CSNK1G1: variants seen among roughly 807,000 people sequenced by gnomAD.
CSNK1G1 encodes the protein casein kinase I isoform gamma-1.
CSNK1G1 carries 22 observed loss-of-function variants against 59.6 expected under a neutral mutation model. The observed-to-expected ratio is 0.37, with a 90% CI of 0.26 to 0.53. The LOEUF is 0.53. Ranked by LOEUF, CSNK1G1 falls within the 20% of genes least tolerant of loss-of-function variation. CSNK1G1 has a pLI of 0.89. For missense variants in CSNK1G1, 384 were observed against 519.5 expected, an observed-to-expected ratio of 0.74 and a Z score of 2.54; for synonymous variants, 179 against 177.1, an observed-to-expected ratio of 1.01 and a Z score of -0.08.
intron 4 of CSNK1G1, among the ~76,000 whole-genome samples, chr15:64,244,908 C>G (rs1891670243): frequency 6.6e-6 from 1 of 152,002 alleles, no homozygotes; most frequent in Non-Finnish European, 1.5e-5. Flanking sequence ...GCTACAGTAA[C>G]CAAACAGCAT....
intron 3 of CSNK1G1, among the ~76,000 whole-genome samples, chr15:64,257,439 T>C (rs966277760): frequency 6.6e-6 from 1 of 152,120 alleles, no homozygotes; most frequent in African/African-American, 2.4e-5. Context: ...ATCAGAATAA[T>C]AAAACAGAAA....
intron 3 of CSNK1G1, among the ~76,000 whole-genome samples, chr15:64,253,864 G>C (rs1892221238): frequency 6.6e-6 from 1 of 152,274 alleles, no homozygotes; most frequent in South Asian, 2.1e-4. Flanking sequence ...CAGTAGCCAG[G>C]CGCGGTGGCT....
At chr15:64,313,883 T>A (rs200782643) in intron 1 of CSNK1G1, among the ~76,000 whole-genome samples, 11 of 111,274 alleles carry the variant, frequency 9.9e-5, no homozygotes, top group Non-Finnish European at 1.1e-4. Flanking sequence ...AAAAAAAAAA[T>A]TAATAAATAA....
intron 4 of CSNK1G1, among the ~76,000 whole-genome samples, chr15:64,251,215 G>A (rs1287078422): frequency 2.6e-5 from 4 of 152,154 alleles, no homozygotes; most frequent in Non-Finnish European, 5.9e-5. Context: ...TATAAGTAAA[G>A]AAAAGAGAAT....
intron 11 of CSNK1G1, among the ~76,000 whole-genome samples, chr15:64,173,703 A>G (rs897624644): frequency 6.8e-6 from 1 of 146,750 alleles, no homozygotes; most frequent in African/African-American, 2.6e-5. Context: ...GCTCACTGCA[A>G]CCTCCACCTA....
intron 2 of CSNK1G1, among the ~76,000 whole-genome samples, chr15:64,263,079 C>CAAA (rs1216890234): frequency 1.4e-3 from 73 of 53,560 alleles, no homozygotes; most frequent in African/African-American, 3.4e-3. Flanking sequence ...AACGCCATCT[C>CAAA]AAAAAAAAAA....
At chr15:64,310,215 G>T (rs1895917659) in intron 1 of CSNK1G1, among the ~76,000 whole-genome samples, 1 of 151,968 alleles carries the variant, frequency 6.6e-6, no homozygotes, top group African/African-American at 2.4e-5. Context: ...ATTTTTTCCT[G>T]GCCATGAAGA....
At chr15:64,305,930 T>A (rs908990894) in intron 1 of CSNK1G1, among the ~76,000 whole-genome samples, 1 of 152,126 alleles carries the variant, frequency 6.6e-6, no homozygotes, top group Admixed American at 6.5e-5. Context: ...CAATTAGACA[T>A]ATATTTGCAA....
intron 2 of CSNK1G1, among the ~76,000 whole-genome samples, chr15:64,261,067 ACTTT>A (rs891315725): frequency 1.3e-5 from 2 of 152,176 alleles, no homozygotes; most frequent in African/African-American, 2.4e-5. Context: ...TCTAAAGGTT[ACTTT>A]ATGTTTCTTA....
At chr15:64,186,392 T>C (rs1427755956) in intron 10 of CSNK1G1, among the ~76,000 whole-genome samples, 2 of 152,212 alleles carry the variant, frequency 1.3e-5, no homozygotes, top group Non-Finnish European at 2.9e-5. Flanking sequence ...ATTACAGGCA[T>C]GAGCTATTGC....
intron 10 of CSNK1G1, among the ~76,000 whole-genome samples, chr15:64,201,706 A>ATGTGTGTGTGTGTGTGTG (rs10664838): frequency 1.5e-4 from 19 of 126,472 alleles, no homozygotes; most frequent in Non-Finnish European, 2.6e-4. Flanking sequence ...TCCATTGGAC[A>ATGTGTGTGTGTGTGTGTG]TGTGTGTGTG....
At chr15:64,209,736 G>C (rs754185603) in intron 6 of CSNK1G1, among the ~76,000 whole-genome samples, 33 of 151,118 alleles carry the variant, frequency 2.2e-4, no homozygotes, top group South Asian at 6.5e-4. Flanking sequence ...AACAAGGAGA[G>C]TTGAGTGGAG....
chr15:64,303,787 G>A (rs1019102898), intron 1 of CSNK1G1, among the ~76,000 whole-genome samples: 4 of 151,118 alleles, frequency 2.6e-5, no homozygotes, highest in African/African-American at 9.7e-5. Context: ...GCATGGTGGC[G>A]CACACCTGTG....
intron 6 of CSNK1G1, among the ~76,000 whole-genome samples, chr15:64,211,816 A>G (rs2082253469): frequency 6.6e-6 from 1 of 152,226 alleles, no homozygotes; most frequent in African/African-American, 2.4e-5. Flanking sequence ...TGTATCTTAT[A>G]CAAACATAAC....
Position 64,166,094 on chromosome 15 carries a change from A to G in CSNK1G1, c.*5837T>C. ...AACATTATACATCTAAAAAAAAAAA[A>G]AGTAAAAAAAGAGGCATTTAACAAT... On this transcript the variant is annotated 3_prime_UTR_variant, in exon 12 of 12. Coordinates refer to ENST00000303052, the MANE Select transcript of CSNK1G1 (RefSeq NM_022048.5). This position sits in a 1 kb window ranked among gnomAD's most constrained non-coding sequence, Gnocchi z 4.5. The G allele has an allele frequency of 1.6e-6, 1 of 623,368 alleles. No individual in the cohort carries two copies. Among genetic ancestry groups the G allele is most frequent in the Non-Finnish European group, 2.8e-6 (1 of 352,672 alleles). The allele number at this position is 623,368 out of a possible 1,614,324, so 38.6% of individuals were successfully genotyped here. A position where few individuals can be genotyped will look rare whatever the true frequency, so the allele number is the denominator to read the frequency against.
At chr15:64,229,968 C>CTGGA (rs1301827998) in intron 4 of CSNK1G1, among the ~76,000 whole-genome samples, 1 of 115,410 alleles carries the variant, frequency 8.7e-6, no homozygotes, top group Non-Finnish European at 1.6e-5. Flanking sequence ...GTCGCCCAGG[C>CTGGA]TGGAGGGCAG....
In CSNK1G1 at chr15:64,251,507, C is replaced by T; in HGVS notation, c.292+5G>A. On this transcript the variant is annotated splice_donor_5th_base_variant and intron_variant, in intron 4 of 11. Transcript: ENST00000303052. ...AAGTAAGTGGAGAGAAAAGACTTGA[C>T]TTACCTGCACTGCCAAGCTGTTTAT... is the stretch of plus-strand genomic sequence containing the variant. 1 of 1,601,656 alleles carries T rather than the reference C, an allele frequency of 6.2e-7. No homozygotes were observed. The highest frequency in any genetic ancestry group is 8.5e-7 in the Non-Finnish European group (1 of 1,170,706).
At chr15:64,347,963 G>A (rs942882983) in intron 1 of CSNK1G1, among the ~76,000 whole-genome samples, 11 of 149,318 alleles carry the variant, frequency 7.4e-5, no homozygotes, top group Middle Eastern at 3.5e-3. Flanking sequence ...CTGATATCCC[G>A]CCACTGCACT....
chr15:64,344,536 C>T (rs4468553), intron 1 of CSNK1G1, among the ~76,000 whole-genome samples: 2,330 of 152,238 alleles, frequency 0.015, 55 homozygotes, highest in African/African-American at 0.046. Flanking sequence ...GAACGTGAAA[C>T]ATAACAAATT....
Sources: gnomAD v4.1 joint callset for allele counts (sites outside exome capture counted in the v4.1 genomes callset) on GRCh38, gnomAD v4.1.1 for gene constraint, Gnocchi (gnomAD v3.1) non-coding constraint, MANE v1.5 for transcripts, NCBI Gene and HGNC (gene_info 2026-07-23, HGNC 2026-07-21) for gene names.